TNRC6A: variants seen among roughly 807,000 people sequenced by gnomAD.
TNRC6A encodes trinucleotide repeat-containing gene 6A protein.
A neutral mutation model predicts 221.2 loss-of-function variants in TNRC6A; 44 were observed. The observed-to-expected ratio is 0.20, with a 90% confidence interval of 0.16 to 0.26. The LOEUF is 0.26. TNRC6A is among the 10% of genes least tolerant of loss of function. The probability of loss-of-function intolerance (pLI) is 1.00; values close to 1 mark genes in which losing one functional copy is unlikely to be tolerated. For missense variants in TNRC6A, 2,199 were observed against 2,404.4 expected (o/e 0.91, Z 1.79); for synonymous variants, 847 against 838.5 (o/e 1.01, Z -0.18).
chr16:24,651,493 G>A lies in TNRC6A; in HGVS notation n.402+10484G>A, dbSNP rs1022236851. The stretch of plus-strand genomic sequence containing the variant: ...GCGGAGGTTGCGGTGAGCTGAGATC[G>A]TGCCATTTCACTCCAACCTGGGCAA... On this transcript the variant is annotated intron_variant and non_coding_transcript_variant, in intron 2 of 2. Transcript: ENST00000566108. Among the ~76,000 whole-genome samples, 3 of 140,258 alleles carry A rather than the reference G, an allele frequency of 2.1e-5. No homozygotes were observed. In the East Asian group the frequency reaches 6.6e-4, roughly 31 times the overall value. 92.0% of individuals were successfully genotyped at this position (140,258 alleles called of 152,430 possible).
At chr16:24,789,115 T>C in intron 5 of TNRC6A, 117 bp from the exon 6 acceptor site, 1 of 1,038,758 alleles carries the variant, frequency 9.6e-7, no homozygotes, top group South Asian at 1.8e-5. Flanking sequence ...GGATCATAGC[T>C]TGTTAAATTG....
At chr16:24,808,723 T>C (rs2058483891) in intron 17 of TNRC6A, among the ~76,000 whole-genome samples, 1 of 152,230 alleles carries the variant, frequency 6.6e-6, no homozygotes, top group African/African-American at 2.4e-5. Context: ...AACTTTAGAA[T>C]AAGAACCTCT....
Position 24,692,491 on chromosome 16 carries a change from A to G in TNRC6A, n.402+51482A>G, listed in dbSNP as rs373662966. Among the ~76,000 whole-genome samples the G allele has an allele frequency of 9.3e-4, 142 of 152,068 alleles. No homozygotes were observed. The Middle Eastern group carries it at 0.01, about 11-fold the overall frequency. On this transcript the variant is annotated intron_variant and non_coding_transcript_variant, in intron 2 of 2. Transcript: ENST00000566108. ...AGGCTGAGGCAGGAGAATCACTTGA[A>G]CCCGGGAGATGGAGGTTGCAGTGAG...
At chr16:24,683,185 G>GTT (rs2055566218) in intron 2 of TNRC6A, among the ~76,000 whole-genome samples, 1 of 151,968 alleles carries the variant, frequency 6.6e-6, no homozygotes, top group South Asian at 2.1e-4. Context: ...GGGTTTTGGT[G>GTT]TTTTTTTGTT....
chr16:24,633,582 T>C (rs1901461824), intron 1 of TNRC6A, among the ~76,000 whole-genome samples: 2 of 151,568 alleles, frequency 1.3e-5, no homozygotes, highest in South Asian at 4.2e-4. Flanking sequence ...GTTAGTAGAG[T>C]TGGGGTTTCA....
Position 24,790,989 on chromosome 16 carries a change from T to C in TNRC6A, c.2347T>C (p.Trp783Arg), listed in dbSNP as rs2058086781. 6.3e-7 allele frequency: 1 copy of C among 1,599,310 alleles called. No homozygotes were observed. Among genetic ancestry groups the C allele is most frequent in the Non-Finnish European group, 8.5e-7 (1 of 1,172,786 alleles). Reference sequence around the variant, plus strand: ...TAATGATACCTCATCTGTATCAGGGTGGGGCGATCCCAAACCTGCTCTGAG... The same window carrying C: ...TAATGATACCTCATCTGTATCAGGGCGGGGCGATCCCAAACCTGCTCTGAG... ...NGNDTSSVSG[W>R]GDPKPALRWG... is the part of the protein sequence containing the mutation. The change falls in exon 6 of 25, where the codon TGG becomes CGG. Residue 783 changes from tryptophan (W) to arginine (R), a missense_variant. Around this residue, in one of 8 missense-constraint regions of TNRC6A, gnomAD observed 1,405 missense variants for 1,400.2 expected, o/e 1.00. Coordinates refer to ENST00000395799, the MANE Select transcript of TNRC6A (RefSeq NM_014494.4).
chr16:24,812,458 C>G (rs898716516), intron 18 of TNRC6A, among the ~76,000 whole-genome samples: 3 of 152,174 alleles, frequency 2.0e-5, no homozygotes, highest in African/African-American at 7.2e-5. Flanking sequence ...TACTAATTGA[C>G]TCTGTTATTC....
Position 24,777,086 on chromosome 16 carries a change from A to G in TNRC6A, c.317A>G (p.Gln106Arg). ...QQQQQQQQPQ[Q>R]QQPQQQPQPQ... Reference sequence around the variant, plus strand: ...CAGCAGCAACAGCAGCAGCCGCAGCAGCAGCAGCCACAGCAGCAGCCACAG... The same window carrying G: ...CAGCAGCAACAGCAGCAGCCGCAGCGGCAGCAGCCACAGCAGCAGCCACAG... The change falls in exon 5 of 25, where the codon CAG becomes CGG. Residue 106 changes from glutamine to arginine, a missense_variant. Transcript: ENST00000395799. The G allele has an allele frequency of 6.2e-7, 1 of 1,609,124 alleles. No individual in the cohort carries two copies. Among genetic ancestry groups the G allele is most frequent in the Non-Finnish European group, 8.5e-7 (1 of 1,177,262 alleles).
chr16:24,760,107 G>T (rs1596634590), intron 4 of TNRC6A, among the ~76,000 whole-genome samples: 1 of 152,092 alleles, frequency 6.6e-6, no homozygotes, highest in East Asian at 1.9e-4. Context: ...ATACTTTTTA[G>T]AGCATTCTTA....
At chr16:24,622,934 G>A (rs1468539959) in intron 1 of TNRC6A, among the ~76,000 whole-genome samples, 1 of 152,136 alleles carries the variant, frequency 6.6e-6, no homozygotes, top group African/African-American at 2.4e-5. Flanking sequence ...AGACACAGTT[G>A]ATCATTTCGA....
At chr16:24,753,601 T>TA (rs1401674904) in intron 3 of TNRC6A, among the ~76,000 whole-genome samples, 1 of 152,154 alleles carries the variant, frequency 6.6e-6, no homozygotes, top group East Asian at 1.9e-4. Flanking sequence ...ATGACACACT[T>TA]ATAGCCCATA....
chr16:24,615,338 G>T (rs1236575370), intron 1 of TNRC6A, among the ~76,000 whole-genome samples: 1 of 152,148 alleles, frequency 6.6e-6, no homozygotes, highest in African/African-American at 2.4e-5. Context: ...CAGTAGACTT[G>T]AGATCCCGTG....
Position 24,634,945 on chromosome 16 carries a change from CT to C in TNRC6A, n.277-5933del, listed in dbSNP as rs558141361. 2.6e-5 allele frequency among the ~76,000 whole-genome samples: 4 copies of C among 152,238 alleles called. No homozygotes were observed. In the East Asian group the frequency reaches 5.8e-4, roughly 22 times the overall value. On this transcript the variant is annotated intron_variant and non_coding_transcript_variant, in intron 1 of 2. Coordinates refer to the TNRC6A transcript ENST00000566108. The stretch of plus-strand genomic sequence containing the variant: ...GAAAAAAAATCTTATTCTCCATACA[CT>C]TTTTTCTTTCTTCATTTGTTTTGTT...
At chr16:24,650,902 T>G (rs1274533510) in intron 2 of TNRC6A, among the ~76,000 whole-genome samples, 1 of 152,160 alleles carries the variant, frequency 6.6e-6, no homozygotes, top group African/African-American at 2.4e-5. Context: ...ATTTTAAAAA[T>G]TAAGGAAACC....
At chr16:24,639,982 A>T (rs1031400097) in intron 1 of TNRC6A, among the ~76,000 whole-genome samples, 1 of 152,190 alleles carries the variant, frequency 6.6e-6, no homozygotes, top group African/African-American at 2.4e-5. Context: ...TGACAGTGAT[A>T]ATAGAGAAAT....
intron 5 of TNRC6A, among the ~76,000 whole-genome samples, chr16:24,780,195 A>G (rs745950700): frequency 4.6e-5 from 7 of 152,190 alleles, no homozygotes; most frequent in Non-Finnish European, 1.0e-4. Context: ...AACATAGTGA[A>G]CACTCGTATA....
chr16:24,805,279 G>C, intron 14 of TNRC6A, 128 bp downstream of exon 14: 1 of 1,307,354 alleles, frequency 7.6e-7, no homozygotes, highest in South Asian at 1.5e-5. Context: ...AGCTAGTTTT[G>C]AATTAACTAT....
intron 1 of TNRC6A, among the ~76,000 whole-genome samples, chr16:24,617,101 T>A (rs12929174): frequency 0.062 from 9,372 of 151,978 alleles, 379 homozygotes; most frequent in African/African-American, 0.098. Context: ...TAGATTTATC[T>A]ATTAGTTTTT....
intron 2 of TNRC6A, among the ~76,000 whole-genome samples, chr16:24,734,183 AAGAG>A (rs936262095): frequency 2.0e-5 from 3 of 152,270 alleles, no homozygotes; most frequent in Admixed American, 1.3e-4. Context: ...TCAAAGCAAA[AAGAG>A]AGAGAAAGGA....
Sources: allele counts gnomAD v4.1 joint callset (sites outside exome capture counted in the v4.1 genomes callset), GRCh38; gene constraint gnomAD v4.1.1; regional missense constraint gnomAD v4.1.1; transcripts MANE v1.5; gene names NCBI Gene and HGNC (gene_info 2026-07-23, HGNC 2026-07-21).